The following BMP2K variants were observed in gnomAD, a reference collection of about 807,000 sequenced individuals.
BMP2K encodes the protein BMP-2-inducible protein kinase.
In BMP2K, 74 loss-of-function variants were observed where a neutral mutation model predicts 116.0. The ratio of observed to expected loss-of-function variants is 0.64; its 90% confidence interval spans 0.53 to 0.77. The LOEUF (loss-of-function observed/expected upper bound fraction) is 0.77, where lower values mean the gene tolerates loss of function less well. Ranked by LOEUF, BMP2K falls within the 30% of genes least tolerant of loss-of-function variation. The pLI, the probability that BMP2K is intolerant of heterozygous loss-of-function variation, is 0.00. For missense variants in BMP2K, 1,365 were observed against 1,403.6 expected, an observed-to-expected ratio of 0.97 and a Z score of 0.44; for synonymous variants, 486 against 502.5, an observed-to-expected ratio of 0.97 and a Z score of 0.44.
intron 1 of BMP2K, among the ~76,000 whole-genome samples, chr4:78,814,411 A>C (rs1729232391): frequency 6.6e-6 from 1 of 152,198 alleles, no homozygotes; most frequent in African/African-American, 2.4e-5. Context: ...TCCACACCCA[A>C]ATCCCATCTT....
intron 15 of BMP2K, among the ~76,000 whole-genome samples, chr4:78,897,026 T>C (rs934037070): frequency 6.6e-6 from 1 of 152,128 alleles, no homozygotes; most frequent in South Asian, 2.1e-4. Context: ...TCTTGAAATA[T>C]ATTGCTTGGG....
At chr4:78,829,538 C>T (rs1730051887) in intron 2 of BMP2K, among the ~76,000 whole-genome samples, 1 of 151,846 alleles carries the variant, frequency 6.6e-6, no homozygotes. Context: ...TTGACTTCCT[C>T]CTATGGGTCA....
At chr4:78,800,916 A>G (rs552659378) in intron 1 of BMP2K, among the ~76,000 whole-genome samples, 1 of 152,358 alleles carries the variant, frequency 6.6e-6, no homozygotes, top group South Asian at 2.1e-4. Context: ...TTAAACATTT[A>G]ATAGACCTTT....
intron 3 of BMP2K, among the ~76,000 whole-genome samples, chr4:78,834,935 A>G (rs994026043): frequency 3.3e-5 from 5 of 152,334 alleles, no homozygotes; most frequent in African/African-American, 9.6e-5. Flanking sequence ...TCTCTACTAT[A>G]AAGTACTGTA....
intron 1 of BMP2K, among the ~76,000 whole-genome samples, chr4:78,788,178 T>C (rs2109927905): frequency 6.6e-6 from 1 of 152,166 alleles, no homozygotes; most frequent in Admixed American, 6.5e-5. Flanking sequence ...ATGTTAATGG[T>C]CTATTTTTTT....
rs1162182788 is a variant in BMP2K, at chr4:78,910,892, T to G, written c.2345T>G (p.Leu782Arg). 4 of 1,613,840 alleles carry G rather than the reference T, an allele frequency of 2.5e-6. No individual in the cohort carries two copies. Among genetic ancestry groups the G allele is most frequent in the Non-Finnish European group, 3.4e-6 (4 of 1,179,894 alleles). ...GATGATGATACTGAACCAGAAAATC[T>G]GGGTCATAGGCCTCTCCTCATGGAT... Reference protein sequence around the residue: ...FNDDDTEPENLGHRPLLMDSE... With the variant: ...FNDDDTEPENRGHRPLLMDSE... The change falls in exon 16 of 16, where the codon CTG (leucine) becomes CGG (arginine). Residue 782 changes from leucine (L) to arginine (R), a missense_variant. Coordinates refer to ENST00000502613, the MANE Select transcript of BMP2K (RefSeq NM_198892.2).
At position 78,870,958 on chromosome 4, in the gene BMP2K, G is replaced by T; in HGVS notation, c.1407G>T (p.Gln469His). The stretch of plus-strand genomic sequence containing the variant: ...AGCAGCAGCAGCAGCAGCAGCAACA[G>T]CAACAGCAGCAGCAGCAACAGCAAC... ...HQQQQQQQQQ[Q>H]QQQQQQQQQQ... Residue 469 changes from glutamine to histidine, a missense_variant, in exon 11 of 16, where the codon CAG (glutamine) becomes CAT (histidine). Physicochemically the swap from Gln to His is conservative, Grantham distance 24. This residue lies in a region of BMP2K where 762 missense variants were observed against 756.7 expected (regional missense o/e 1.01). Transcript: ENST00000502613. The T allele has an allele frequency of 6.2e-7, 1 of 1,610,704 alleles. No individual in the cohort carries two copies. The highest frequency in any genetic ancestry group is 8.5e-7 in the Non-Finnish European group (1 of 1,178,994).
At chr4:78,797,325 A>G (rs1728345872) in intron 1 of BMP2K, among the ~76,000 whole-genome samples, 2 of 152,208 alleles carry the variant, frequency 1.3e-5, no homozygotes, top group South Asian at 4.1e-4. Context: ...TTACCCCAAA[A>G]GTGATCAAAT....
chr4:78,896,435 A>G (rs1246000971), intron 15 of BMP2K, among the ~76,000 whole-genome samples: 1 of 152,188 alleles, frequency 6.6e-6, no homozygotes, highest in African/African-American at 2.4e-5. Flanking sequence ...ACCCAGGCAA[A>G]TCACCTACTT....
At chr4:78,830,597 T>C (rs1730163473) in intron 2 of BMP2K, among the ~76,000 whole-genome samples, 3 of 152,242 alleles carry the variant, frequency 2.0e-5, no homozygotes, top group South Asian at 4.1e-4. Flanking sequence ...GAAAATCTGT[T>C]GTTTAGTGCA....
intron 7 of BMP2K, among the ~76,000 whole-genome samples, chr4:78,855,460 T>TAACTA (rs1731459671): frequency 6.6e-6 from 1 of 152,190 alleles, no homozygotes; most frequent in African/African-American, 2.4e-5. Context: ...TTAGAGATGG[T>TAACTA]GGCTTAACTT....
intron 6 of BMP2K, among the ~76,000 whole-genome samples, chr4:78,848,637 G>C (rs1385940496): frequency 6.6e-6 from 1 of 151,328 alleles, no homozygotes; most frequent in African/African-American, 2.4e-5. Context: ...TAACAAAAAA[G>C]GAGGAGATCA....
At chr4:78,808,180 G>A (rs140016344) in intron 1 of BMP2K, among the ~76,000 whole-genome samples, 2,934 of 150,362 alleles carry the variant, frequency 0.02, 95 homozygotes, top group African/African-American at 0.068. Flanking sequence ...TCAGCCTCCC[G>A]CGTAGCTGGG....
chr4:78,853,301 AG>A (rs1156755858), intron 7 of BMP2K, among the ~76,000 whole-genome samples: 1 of 152,300 alleles, frequency 6.6e-6, no homozygotes, highest in East Asian at 1.9e-4. Context: ...ATTTAGGTCA[AG>A]GGTAGTTACC....
intron 15 of BMP2K, chr4:78,887,959 G>A (rs775861875): frequency 2.0e-5 from 3 of 152,168 alleles, no homozygotes; most frequent in African/African-American, 4.8e-5. Context: ...GGTAACTGTC[G>A]GCCATGTTCT....
At chr4:78,864,700 T>C (rs941035738) in intron 9 of BMP2K, among the ~76,000 whole-genome samples, 1 of 152,132 alleles carries the variant, frequency 6.6e-6, no homozygotes, top group Non-Finnish European at 1.5e-5. Context: ...AAATCATATG[T>C]ATGTAAAAAT....
At chr4:78,877,486 A>T (rs537105244) in intron 13 of BMP2K, among the ~76,000 whole-genome samples, 1 of 152,162 alleles carries the variant, frequency 6.6e-6, no homozygotes, top group African/African-American at 2.4e-5. Flanking sequence ...TGGATTGTCA[A>T]TATCACTGTC....
At position 78,831,265 on chromosome 4, in the gene BMP2K, A is replaced by G. The variant is rs139822751; in HGVS notation, c.298-2317A>G. 9.2e-5 allele frequency among the ~76,000 whole-genome samples: 14 copies of G among 152,344 alleles called. No individual in the cohort carries two copies. The East Asian group carries it at 1.9e-3, about 21-fold the overall frequency. ...TAGAAAATAACATCAACCATCACTG[A>G]TCACAGATTATCATAACTGTTGTTA... On this transcript the variant is annotated intron_variant, in intron 2 of 15. Coordinates refer to ENST00000502613, the MANE Select transcript of BMP2K (RefSeq NM_198892.2).
chr4:78,831,177 A>T (rs553770441), intron 2 of BMP2K, among the ~76,000 whole-genome samples: 1 of 152,226 alleles, frequency 6.6e-6, no homozygotes, highest in Admixed American at 6.5e-5. Context: ...CAGTTAGAAC[A>T]CATATAACAT....
Sources: gnomAD v4.1 joint callset for allele counts (sites outside exome capture counted in the v4.1 genomes callset) on GRCh38, gnomAD v4.1.1 for gene constraint, gnomAD v4.1.1 regional missense constraint, MANE v1.5 for transcripts, NCBI Gene and HGNC (gene_info 2026-07-23, HGNC 2026-07-21) for gene names.